Variants in CACNA1I observed in about 807,000 individuals in gnomAD.
The protein encoded by CACNA1I is voltage-dependent T-type calcium channel subunit alpha-1I.
A neutral mutation model predicts 201.6 loss-of-function variants in CACNA1I; 74 were observed. The ratio of observed to expected loss-of-function variants is 0.37; its 90% CI spans 0.30 to 0.45. The LOEUF (loss-of-function observed/expected upper bound fraction) is 0.45, where lower values mean the gene tolerates loss of function less well. Ranked by LOEUF, CACNA1I falls within the 20% of genes least tolerant of loss-of-function variation. CACNA1I has a pLI of 1.00. For synonymous variants in CACNA1I, 1,431 were observed against 1,345.2 expected, an observed-to-expected ratio of 1.06 and a Z score of -1.40; for missense variants, 2,346 against 3,138.1, an observed-to-expected ratio of 0.75 and a Z score of 6.03.
At chr22:39,612,956 C>T (rs1484731016) in intron 3 of CACNA1I, among the ~76,000 whole-genome samples, 1 of 152,222 alleles carries the variant, frequency 6.6e-6, no homozygotes, top group East Asian at 1.9e-4. Flanking sequence ...CATCACAGAG[C>T]TGCCTCCTGA....
Position 39,665,014 on chromosome 22 carries a change from G to T in CACNA1I, c.3851+91G>T. 5 of 1,134,094 alleles carry T rather than the reference G, an allele frequency of 4.4e-6. No homozygotes were observed. The highest frequency in any genetic ancestry group is 6.2e-6 in the Non-Finnish European group (5 of 803,080). 70.3% of individuals were successfully genotyped at this position (1,134,094 alleles called of 1,614,324 possible). A position where few individuals can be genotyped will look rare whatever the true frequency, so the allele number is the denominator to read the frequency against. The stretch of plus-strand genomic sequence containing the variant: ...ATTGGGCCCTCACTCCGCCCTCCCC[G>T]CCCGCCCACTCGGTCCTCCAATAGT... On this transcript the variant is annotated intron_variant, in intron 21 of 36. Transcript: ENST00000402142. The surrounding 1 kb of genome is among the most constrained non-coding windows in gnomAD (Gnocchi z 5.5).
In CACNA1I at chr22:39,662,136, G is replaced by T. The variant is rs1378746731; in HGVS notation, c.3073G>T (p.Gly1025Trp). 1.3e-6 allele frequency: 2 copies of T among 1,525,238 alleles called. No individual in the cohort carries two copies. Among genetic ancestry groups the T allele is most frequent in the East Asian group, 2.6e-5 (1 of 38,188 alleles). 94.5% of individuals were successfully genotyped at this position (1,525,238 alleles called of 1,614,324 possible). A position where few individuals can be genotyped will look rare whatever the true frequency, so the allele number is the denominator to read the frequency against. Reference protein sequence around the residue: ...ARVCEVAADEGPPRAAPLHTP... With the variant: ...ARVCEVAADEWPPRAAPLHTP... Reference sequence around the variant, plus strand: ...GGTCTGCGAGGTTGCCGCGGACGAGGGGCCGCCGCGGGCCGCACCCCTGCA... The same window carrying T: ...GGTCTGCGAGGTTGCCGCGGACGAGTGGCCGCCGCGGGCCGCACCCCTGCA... The change falls in exon 17 of 37, where the codon GGG becomes TGG. Residue 1025 changes from glycine (G) to tryptophan (W), a missense_variant. By Grantham distance (184) the Gly-to-Trp change is radical. This residue lies in a region of CACNA1I where 288 missense variants were observed against 255.2 expected (regional missense o/e 1.13). Coordinates refer to ENST00000402142, the MANE Select transcript of CACNA1I (RefSeq NM_021096.4).
intron 1 of CACNA1I, among the ~76,000 whole-genome samples, chr22:39,597,611 T>G (rs1307416048): frequency 6.6e-6 from 1 of 152,162 alleles, no homozygotes; most frequent in South Asian, 2.1e-4. Flanking sequence ...GTTTTGGAGT[T>G]AGGTGATGAG....
intron 34 of CACNA1I, among the ~76,000 whole-genome samples, chr22:39,682,153 C>T (rs944519671): frequency 2.6e-5 from 4 of 152,150 alleles, no homozygotes; most frequent in African/African-American, 9.7e-5. Context: ...GAAACAGGCT[C>T]AGCAAAGGGA....
In CACNA1I at chr22:39,686,002, G is replaced by T. The variant is rs1935856167; in HGVS notation, c.6269G>T (p.Gly2090Val). ...GCGCATCAGCGCAGCCACAGCAGCGGGGGCTCCACCAGCCCGGGCTGCACC... is the reference window on the plus strand; with the variant it reads ...GCGCATCAGCGCAGCCACAGCAGCGTGGGCTCCACCAGCCCGGGCTGCACC... ...LRAHQRSHSS[G>V]GSTSPGCTHH... Residue 2090 changes from glycine (G) to valine (V), a missense_variant, in exon 37 of 37, where the codon GGG becomes GTG. Coordinates refer to ENST00000402142, the MANE Select transcript of CACNA1I (RefSeq NM_021096.4). The T allele has an allele frequency of 1.6e-6, 2 of 1,244,786 alleles. No individual in the cohort carries two copies. Among genetic ancestry groups the T allele is most frequent in the African/African-American group, 3.1e-5 (2 of 63,708 alleles). 77.1% of individuals were successfully genotyped at this position (1,244,786 alleles called of 1,614,324 possible). A position where few individuals can be genotyped will look rare whatever the true frequency, so the allele number is the denominator to read the frequency against.
intron 20 of CACNA1I, 44 bp downstream of exon 20, chr22:39,664,203 G>A: frequency 6.5e-7 from 1 of 1,530,878 alleles, no homozygotes; most frequent in Non-Finnish European, 9.0e-7. Flanking sequence ...CCCCAGCTCG[G>A]GCCCCTGGCC....
At chr22:39,641,291 C>A in intron 6 of CACNA1I, 109 bp downstream of exon 6, 1 of 893,306 alleles carries the variant, frequency 1.1e-6, no homozygotes, top group Non-Finnish European at 1.7e-6. Context: ...CTGAAACCTG[C>A]CCAGCTTGCT....
intron 25 of CACNA1I, 119 bp from the exon 26 acceptor site, chr22:39,670,684 T>A: frequency 1.1e-6 from 1 of 939,968 alleles, no homozygotes; most frequent in South Asian, 1.4e-5. Context: ...CTGGGGTGGA[T>A]CAACATCTTC....
In CACNA1I at chr22:39,641,022, A is replaced by T; in HGVS notation, c.896A>T (p.Asp299Val). The T allele has an allele frequency of 1.2e-6, 2 of 1,614,022 alleles. No individual in the cohort carries two copies. Among genetic ancestry groups the T allele is most frequent in the Non-Finnish European group, 1.7e-6 (2 of 1,179,892 alleles). ...QGRECCLSKD[D>V]VYDFGAGRQD... is the part of the protein sequence containing the mutation. ...CGTGAGTGCTGCCTGTCCAAGGACG[A>T]CGTCTACGACTTTGGGGCGGGGCGC... is the stretch of plus-strand genomic sequence containing the variant. The change falls in exon 6 of 37, where the codon GAC becomes GTC. Residue 299 changes from aspartate to valine, a missense_variant. By Grantham distance (152) the Asp-to-Val change is radical. This residue lies in a region of CACNA1I where 227 missense variants were observed against 412.5 expected (regional missense o/e 0.55). Transcript: ENST00000402142.
At position 39,672,817 on chromosome 22, in the gene CACNA1I, G is replaced by T. The variant is rs34069885; in HGVS notation, c.4650-132G>T. On this transcript the variant is annotated intron_variant, in intron 27 of 36. Transcript: ENST00000402142. Reference sequence around the variant, plus strand: ...GTGGCGTTAGGAGGGGCTAGTAAGGGAGGGCAGCCACACAGCCTAATGGGC... The same window carrying T: ...GTGGCGTTAGGAGGGGCTAGTAAGGTAGGGCAGCCACACAGCCTAATGGGC... The T allele has an allele frequency of 5.3e-4, 485 of 919,496 alleles. 3 individuals are homozygous for T. In the South Asian group the frequency reaches 8.0e-3, roughly 15 times the overall value. The allele number at this position is 919,496 out of a possible 1,614,324, so 57.0% of individuals were successfully genotyped here. A position where few individuals can be genotyped will look rare whatever the true frequency, so the allele number is the denominator to read the frequency against.
At chr22:39,573,762 T>C (rs5750851) in intron 1 of CACNA1I, among the ~76,000 whole-genome samples, 92,585 of 151,994 alleles carry the variant, frequency 0.61, 29,242 homozygotes, top group East Asian at 0.96. Flanking sequence ...CTCACCTCCA[T>C]CCTCAGGTCA....
intron 1 of CACNA1I, among the ~76,000 whole-genome samples, chr22:39,589,114 G>T (rs1932793118): frequency 6.6e-6 from 1 of 152,184 alleles, no homozygotes. Flanking sequence ...CCCCTCAAGT[G>T]TGACAACCAA....
At position 39,662,791 on chromosome 22, in the gene CACNA1I, G is replaced by C. The variant is rs1364770909; in HGVS notation, c.3388G>C (p.Val1130Leu). 5.0e-6 allele frequency: 8 copies of C among 1,591,662 alleles called. No individual in the cohort carries two copies. The highest frequency in any genetic ancestry group is 6.8e-6 in the Non-Finnish European group (8 of 1,169,580). Residue 1130 changes from valine (V) to leucine (L), a missense_variant, in exon 18 of 37, where the codon GTC becomes CTC. By Grantham distance (32) the Val-to-Leu change is conservative (BLOSUM62 1). Around this residue, in one of 13 missense-constraint regions of CACNA1I, gnomAD observed 158 missense variants for 231.6 expected, o/e 0.68. Transcript: ENST00000402142. ...CTCTTGCTAGACCCTGTGCTTCCGC[G>C]TCCGCAAGATGATCGACGTCTATAA... ...EEIDYTLCFR[V>L]RKMIDVYKPD... is the part of the protein sequence containing the mutation.
At chr22:39,674,387 C>T (rs1049231074) in intron 29 of CACNA1I, among the ~76,000 whole-genome samples, 1 of 152,190 alleles carries the variant, frequency 6.6e-6, no homozygotes. Context: ...GAGTGCCAGA[C>T]ACTCCCTGGG....
chr22:39,676,246 C>A lies in CACNA1I; in HGVS notation c.4855-1095C>A, dbSNP rs1274831556. On this transcript the variant is annotated intron_variant, in intron 29 of 36. Transcript: ENST00000402142. This position sits in a 1 kb window ranked among gnomAD's most constrained non-coding sequence, Gnocchi z 4.8. ...CGCGACCACGCCAGATCCTTCTCAGCGGTCAGGGCCTTACAGTTGGCCTCA... is the reference window on the plus strand; with the variant it reads ...CGCGACCACGCCAGATCCTTCTCAGAGGTCAGGGCCTTACAGTTGGCCTCA... 6.6e-6 allele frequency among the ~76,000 whole-genome samples: 1 copy of A among 152,236 alleles called. No individual in the cohort carries two copies. Among genetic ancestry groups the A allele is most frequent in the East Asian group, 1.9e-4 (1 of 5,206 alleles).
At position 39,664,746 on chromosome 22, in the gene CACNA1I, C is replaced by T. The variant is rs1321739912; in HGVS notation, c.3674C>T (p.Ser1225Leu). 3 of 1,491,438 alleles carry T rather than the reference C, an allele frequency of 2.0e-6. No individual in the cohort carries two copies. Among genetic ancestry groups the T allele is most frequent in the Admixed American group, 1.8e-5 (1 of 55,908 alleles). The allele number at this position is 1,491,438 out of a possible 1,614,324, so 92.4% of individuals were successfully genotyped here. The change falls in exon 21 of 37, where the codon TCG becomes TTG. Residue 1225 changes from serine to leucine, a missense_variant. This residue lies in a region of CACNA1I where 158 missense variants were observed against 231.6 expected (regional missense o/e 0.68). Coordinates refer to ENST00000402142, the MANE Select transcript of CACNA1I (RefSeq NM_021096.4). ...FVGEMTLKVVSLGLYFGEQAY... is the reference protein window; with the variant it reads ...FVGEMTLKVVLLGLYFGEQAY... The stretch of plus-strand genomic sequence containing the variant: ...GCCCCACCCCCGCCCCAGGTAGTCT[C>T]GCTGGGCCTGTACTTCGGCGAGCAG...
intron 31 of CACNA1I, among the ~76,000 whole-genome samples, chr22:39,678,854 G>A (rs1464847077): frequency 6.6e-6 from 1 of 152,212 alleles, no homozygotes; most frequent in African/African-American, 2.4e-5. Context: ...GCCAGCTGTG[G>A]GGAGGGTGAC....
intron 3 of CACNA1I, among the ~76,000 whole-genome samples, chr22:39,604,946 C>T (rs1327786583): frequency 6.6e-6 from 1 of 152,048 alleles, no homozygotes; most frequent in Non-Finnish European, 1.5e-5. Flanking sequence ...CTCAGGTGAA[C>T]AGGACCACCC....
Position 39,685,656 on chromosome 22 carries a change from T to C in CACNA1I, c.6028-105T>C, listed in dbSNP as rs113365626. 23,275 of 1,006,158 alleles carry C rather than the reference T, an allele frequency of 0.023. 3,698 individuals carry two copies. The African/African-American group carries it at 0.35, about 15-fold the overall frequency. The allele number at this position is 1,006,158 out of a possible 1,614,324, so 62.3% of individuals were successfully genotyped here. A position where few individuals can be genotyped will look rare whatever the true frequency, so the allele number is the denominator to read the frequency against. On this transcript the variant is annotated intron_variant, in intron 36 of 36. Coordinates refer to ENST00000402142, the MANE Select transcript of CACNA1I (RefSeq NM_021096.4). The surrounding 1 kb of genome is among the most constrained non-coding windows in gnomAD (Gnocchi z 5.0). The stretch of plus-strand genomic sequence containing the variant: ...GAAGCCCTGCTCCGAAGGGAGCTCC[T>C]TGGATGGGGTCTGCCTGCTGCCTGC...
Sources: allele counts gnomAD v4.1 joint callset (sites outside exome capture counted in the v4.1 genomes callset), GRCh38; gene constraint gnomAD v4.1.1; regional missense constraint gnomAD v4.1.1; non-coding constraint Gnocchi (gnomAD v3.1); transcripts MANE v1.5; gene names NCBI Gene and HGNC (gene_info 2026-07-23, HGNC 2026-07-21).